Variants in VWA3B observed in about 807,000 individuals in gnomAD.
VWA3B encodes von Willebrand factor A domain containing 3B, also known as von Willebrand factor A domain-containing protein 3B.
VWA3B carries 138 observed loss-of-function variants against 158.3 expected under a neutral mutation model. That is an observed-to-expected ratio of 0.87 (90% CI 0.76 to 1.00). VWA3B has a LOEUF of 1.00. Ranked by LOEUF, VWA3B falls within the 50% of genes least tolerant of loss-of-function variation. VWA3B has a pLI of 0.00. For missense variants in VWA3B, 1,555 were observed against 1,565.1 expected (o/e 0.99, Z 0.11); for synonymous variants, 596 against 587.3 (o/e 1.01, Z -0.21).
chr2:98,102,737 A>C (rs1047899765), intron 2 of VWA3B, among the ~76,000 whole-genome samples: 14 of 152,232 alleles, frequency 9.2e-5, no homozygotes, highest in Non-Finnish European at 8.8e-5. Flanking sequence ...TGCTGGACTC[A>C]AAATGATTTG....
intron 12 of VWA3B, among the ~76,000 whole-genome samples, chr2:98,201,564 T>C (rs956575793): frequency 6.6e-6 from 1 of 152,214 alleles, no homozygotes; most frequent in African/African-American, 2.4e-5. Context: ...TTGGTCCTGA[T>C]ATTAGAGGGG....
At chr2:98,113,002 C>T (rs1674261989) in intron 2 of VWA3B, among the ~76,000 whole-genome samples, 1 of 151,524 alleles carries the variant, frequency 6.6e-6, no homozygotes, top group African/African-American at 2.4e-5. Flanking sequence ...GCTAAGTTCC[C>T]CATTTGTTCA....
At chr2:98,102,088 C>T (rs925345372) in intron 2 of VWA3B, among the ~76,000 whole-genome samples, 1 of 151,948 alleles carries the variant, frequency 6.6e-6, no homozygotes, top group Admixed American at 6.6e-5. Context: ...AATGAGCATG[C>T]TGCCTTCAAG....
chr2:98,185,449 C>A (rs913880860), intron 9 of VWA3B, among the ~76,000 whole-genome samples: 1 of 152,232 alleles, frequency 6.6e-6, no homozygotes, highest in Admixed American at 6.5e-5. Context: ...AAAACAGCCA[C>A]GATATATAAT....
Position 98,196,079 on chromosome 2 carries a change from C to G in VWA3B, c.1737+1587C>G, listed in dbSNP as rs145719344. On this transcript the variant is annotated intron_variant, in intron 12 of 27. Coordinates refer to ENST00000477737, the MANE Select transcript of VWA3B (RefSeq NM_144992.5). ...TCTAAAAATGTTGAACTCACAGAAGCAGAGAGTAGAATGGTGGTTACCAGA... is the reference window on the plus strand; with the variant it reads ...TCTAAAAATGTTGAACTCACAGAAGGAGAGAGTAGAATGGTGGTTACCAGA... 4.4e-3 allele frequency among the ~76,000 whole-genome samples: 668 copies of G among 152,258 alleles called. 1 individual carries two copies. Among genetic ancestry groups the G allele is most frequent in the Middle Eastern group, 0.014 (4 of 294 alleles).
intron 6 of VWA3B, among the ~76,000 whole-genome samples, chr2:98,129,816 C>G (rs1016254398): frequency 6.6e-6 from 1 of 152,088 alleles, no homozygotes; most frequent in Non-Finnish European, 1.5e-5. Context: ...ATGGGTACAA[C>G]GTCTTCCCAG....
chr2:98,228,026 G>A (rs1312532289), intron 14 of VWA3B, among the ~76,000 whole-genome samples, 176 bp from the exon 15 acceptor site: 3 of 152,176 alleles, frequency 2.0e-5, no homozygotes, highest in African/African-American at 4.8e-5. Flanking sequence ...TTCTGGCCGT[G>A]TGCTGTAGTC....
chr2:98,102,338 C>A (rs112275190), intron 2 of VWA3B, among the ~76,000 whole-genome samples: 1 of 152,058 alleles, frequency 6.6e-6, no homozygotes, highest in Non-Finnish European at 1.5e-5. Context: ...CTTTTCTTTT[C>A]GACAAAACCG....
In VWA3B at chr2:98,250,332, A is replaced by G; in HGVS notation, c.2688A>G (p.Ala896=). The G allele has an allele frequency of 6.2e-7, 1 of 1,612,476 alleles. No individual in the cohort carries two copies. Among genetic ancestry groups the G allele is most frequent in the Non-Finnish European group, 8.5e-7 (1 of 1,179,556 alleles). ...TTGACATGCAGGTGTTCCCTCTGGCACATGTGTGCAACGACACAAATAAGA... is the reference window on the plus strand; with the variant it reads ...TTGACATGCAGGTGTTCCCTCTGGCGCATGTGTGCAACGACACAAATAAGA... The part of the protein sequence containing the change: ...SKVFDEVFPL[A]HVCNDTNKMT... The change falls in exon 20 of 28, where the codon GCA becomes GCG. Residue 896 remains alanine, a synonymous_variant. Transcript: ENST00000477737.
At position 98,297,930 on chromosome 2, in the gene VWA3B, C is replaced by T. The variant is rs1443808917; in HGVS notation, c.3181C>T (p.Arg1061Cys). 2.6e-6 allele frequency: 4 copies of T among 1,567,570 alleles called. No homozygotes were observed. Among genetic ancestry groups the T allele is most frequent in the Admixed American group, 3.7e-5 (2 of 53,498 alleles). ...FPGVVKKCVS[R>C]TQALVGFSYG... is the part of the protein sequence containing the mutation. ...AGGGGTTGTGAAGAAGTGTGTGAGC[C>T]GCACCCAAGCACTGGTGGGCTTCAG... The change falls in exon 24 of 28, where the codon CGC (arginine) becomes TGC (cysteine). Residue 1061 changes from arginine (R) to cysteine (C), a missense_variant. Arg to Cys is a radical substitution (Grantham distance 180, BLOSUM62 -3). Coordinates refer to ENST00000477737, the MANE Select transcript of VWA3B (RefSeq NM_144992.5).
intron 22 of VWA3B, among the ~76,000 whole-genome samples, chr2:98,278,796 G>A (rs1054584502): frequency 5.3e-5 from 8 of 152,138 alleles, no homozygotes; most frequent in South Asian, 2.1e-4. Context: ...GGCAACATTC[G>A]AGAAGGAAAA....
chr2:98,203,339 T>C (rs921815515), intron 12 of VWA3B, among the ~76,000 whole-genome samples: 4 of 152,272 alleles, frequency 2.6e-5, no homozygotes, highest in Non-Finnish European at 4.4e-5. Context: ...GCTATAGCTG[T>C]ATAGTGAGCT....
At chr2:98,239,774 T>C (rs1685955197) in intron 19 of VWA3B, among the ~76,000 whole-genome samples, 1 of 150,852 alleles carries the variant, frequency 6.6e-6, no homozygotes, top group Admixed American at 6.6e-5. Context: ...ATTAGCCAGG[T>C]GTGGTGGCGT....
chr2:98,212,858 A>T (rs1052360078), intron 13 of VWA3B, among the ~76,000 whole-genome samples: 1 of 152,170 alleles, frequency 6.6e-6, no homozygotes, highest in Non-Finnish European at 1.5e-5. Flanking sequence ...GAAGCAGTTC[A>T]TCGTGTCTCT....
the VWA3B span, among the ~76,000 whole-genome samples, chr2:98,327,759 T>C: frequency 1.3e-5 from 2 of 152,214 alleles, no homozygotes; most frequent in Non-Finnish European, 2.9e-5. Flanking sequence ...ACCTGTTAGC[T>C]CAAAGTCTGT....
the VWA3B span, among the ~76,000 whole-genome samples, chr2:98,330,421 C>T: frequency 6.6e-6 from 1 of 152,144 alleles, no homozygotes; most frequent in Admixed American, 6.5e-5. Flanking sequence ...CACCTTGTGC[C>T]CATCAGAGAA....
chr2:98,144,901 A>G (rs886592161), intron 7 of VWA3B, among the ~76,000 whole-genome samples: 2 of 152,168 alleles, frequency 1.3e-5, no homozygotes, highest in Non-Finnish European at 2.9e-5. Flanking sequence ...CAGTCTTTAC[A>G]CACTGAAAGG....
intron 21 of VWA3B, among the ~76,000 whole-genome samples, chr2:98,258,811 A>T (rs1687309885): frequency 6.6e-6 from 1 of 151,766 alleles, no homozygotes; most frequent in Non-Finnish European, 1.5e-5. Flanking sequence ...TCTAATTTGG[A>T]TGCCTTTTAT....
At chr2:98,153,959 T>C (rs1308123636) in intron 7 of VWA3B, among the ~76,000 whole-genome samples, 2 of 152,132 alleles carry the variant, frequency 1.3e-5, no homozygotes, top group Admixed American at 1.3e-4. Flanking sequence ...CTTCCAGGGC[T>C]CAAGCGATTC....
Sources: allele counts gnomAD v4.1 joint callset (sites outside exome capture counted in the v4.1 genomes callset), GRCh38; gene constraint gnomAD v4.1.1; transcripts MANE v1.5; gene names NCBI Gene and HGNC (gene_info 2026-07-23, HGNC 2026-07-21).